Variants in PDGFRA observed in about 807,000 individuals in gnomAD.
PDGFRA encodes the protein platelet-derived growth factor receptor alpha.
Under a neutral mutation model 121.5 loss-of-function variants are expected in PDGFRA, and 25 were observed. The observed-to-expected ratio is 0.21, with a 90% CI of 0.15 to 0.29. The LOEUF (loss-of-function observed/expected upper bound fraction) is 0.29, where lower values mean the gene tolerates loss of function less well. Ranked by LOEUF, PDGFRA falls within the 10% of genes least tolerant of loss-of-function variation. The pLI, the probability that PDGFRA is intolerant of heterozygous loss-of-function variation, is 1.00. For missense variants in PDGFRA, 1,008 were observed against 1,345.1 expected, an observed-to-expected ratio of 0.75 and a Z score of 3.92; for synonymous variants, 463 against 494.8, an observed-to-expected ratio of 0.94 and a Z score of 0.85.
chr4:54,284,684 T>C (rs1724229221), intron 16 of PDGFRA, among the ~76,000 whole-genome samples: 1 of 151,638 alleles, frequency 6.6e-6, no homozygotes, highest in Admixed American at 6.6e-5. Context: ...GCTAAACCAT[T>C]TGTGAGAAAT....
rs1724819394 is a variant in PDGFRA at position 54,295,173 on chromosome 4, C to T, written c.3171C>T (p.Ser1057=). 1.2e-6 allele frequency: 2 copies of T among 1,614,044 alleles called. No homozygotes were observed. The highest frequency in any genetic ancestry group is 4.5e-5 in the East Asian group (2 of 44,862). ...CCATTGAGACGGGTTCCAGCAGTTC[C>T]ACCTTCATCAAGAGAGAGGACGAGA... The part of the protein sequence containing the change: ...ESAIETGSSS[S]TFIKREDETI... The change falls in exon 23 of 23, where the codon TCC becomes TCT. Residue 1057 remains serine (S), a synonymous_variant. Transcript: ENST00000257290.
chr4:54,281,831 TACAA>T, intron 16 of PDGFRA: 3 of 1,237,180 alleles, frequency 2.4e-6, no homozygotes, highest in East Asian at 7.6e-5. Flanking sequence ...GTGGACAAGT[TACAA>T]ACAAAGAAAC....
intron 22 of PDGFRA, among the ~76,000 whole-genome samples, chr4:54,293,758 G>T (rs1724742794): frequency 6.6e-6 from 1 of 152,136 alleles, no homozygotes; most frequent in African/African-American, 2.4e-5. Context: ...CACCAAGGTG[G>T]AGCTAATGCC....
chr4:54,290,945 C>T (rs888145878), intron 22 of PDGFRA, among the ~76,000 whole-genome samples: 7 of 152,210 alleles, frequency 4.6e-5, no homozygotes, highest in East Asian at 3.9e-4. Flanking sequence ...GGTCCTTTGA[C>T]GCTATACCCT....
rs1724938672 is a variant in PDGFRA at position 54,297,628 on chromosome 4, C to A, written c.*2356C>A. ...CAGTTTCCAGTCCTAACAAATGCTCCCACCTGAATTTGTATATGACTGCAT... is the reference window on the plus strand; with the variant it reads ...CAGTTTCCAGTCCTAACAAATGCTCACACCTGAATTTGTATATGACTGCAT... On this transcript the variant is annotated 3_prime_UTR_variant, in exon 23 of 23. Coordinates refer to ENST00000257290, the MANE Select transcript of PDGFRA (RefSeq NM_006206.6). 4.3e-6 allele frequency: 1 copy of A among 233,518 alleles called. No individual in the cohort carries two copies. The highest frequency in any genetic ancestry group is 8.5e-6 in the Non-Finnish European group (1 of 118,066). The allele number at this position is 233,518 out of a possible 1,614,324, so 14.5% of individuals were successfully genotyped here.
Position 54,278,281 on chromosome 4 carries a change from G to A in PDGFRA, c.2003-81G>A, listed in dbSNP as rs568277056. ...TTTTTGGTATCTTATTTTTTTCTGT[G>A]CCATATGGTCTGCAGGACAATTCAT... is the stretch of plus-strand genomic sequence containing the variant. On this transcript the variant is annotated intron_variant, in intron 14 of 22. Transcript: ENST00000257290. The A allele has an allele frequency of 5.0e-5, 53 of 1,051,978 alleles. No homozygotes were observed. In the East Asian group the frequency reaches 9.3e-4, roughly 18 times the overall value. The allele number at this position is 1,051,978 out of a possible 1,614,324, so 65.2% of individuals were successfully genotyped here.
At chr4:54,277,283 G>A (rs948044090) in intron 12 of PDGFRA, 105 bp from the exon 13 acceptor site, 2 of 808,636 alleles carry the variant, frequency 2.5e-6, no homozygotes, top group African/African-American at 1.7e-5. Flanking sequence ...CTCCAAACAG[G>A]AAAGACACTC....
At chr4:54,265,183 A>G (rs1722967464) in intron 5 of PDGFRA, 134 bp downstream of exon 5, 2 of 812,198 alleles carry the variant, frequency 2.5e-6, no homozygotes, top group East Asian at 2.6e-5. Context: ...CTCTGGGATG[A>G]ACACATTTGA....
chr4:54,271,969 CCCCCTCCCCT>C (rs1723411166), intron 8 of PDGFRA, among the ~76,000 whole-genome samples: 1 of 1,790 alleles, frequency 5.6e-4, no homozygotes, highest in Non-Finnish European at 1.2e-3. Flanking sequence ...CCCTCCCCTC[CCCCCTCCCCT>C]CCCCCTCCCC....
chr4:54,231,883 C>T (rs1019784253), intron 1 of PDGFRA, among the ~76,000 whole-genome samples: 4 of 152,254 alleles, frequency 2.6e-5, no homozygotes, highest in East Asian at 3.9e-4. Context: ...AGTTTCCTCT[C>T]GGGACGCGGA....
intron 1 of PDGFRA, among the ~76,000 whole-genome samples, chr4:54,255,699 G>C (rs1722326711): frequency 6.6e-6 from 1 of 151,832 alleles, no homozygotes; most frequent in African/African-American, 2.4e-5. Flanking sequence ...TAGAGACAGG[G>C]TTTCACCGTG....
At chr4:54,257,021 C>T (rs1203398513) in intron 1 of PDGFRA, among the ~76,000 whole-genome samples, 1 of 151,910 alleles carries the variant, frequency 6.6e-6, no homozygotes, top group Non-Finnish European at 1.5e-5. Flanking sequence ...AGTGCAAGAC[C>T]CTGTTTCATA....
chr4:54,232,590 T>TTGTG (rs939358100), intron 1 of PDGFRA, among the ~76,000 whole-genome samples: 1 of 151,830 alleles, frequency 6.6e-6, no homozygotes, highest in Admixed American at 6.6e-5. Flanking sequence ...GAAGGCACTT[T>TTGTG]TGTGTGTGTG....
chr4:54,288,666 A>T, intron 19 of PDGFRA, 133 bp from the exon 20 acceptor site: 1 of 727,306 alleles, frequency 1.4e-6, no homozygotes, highest in Non-Finnish European at 2.6e-6. Flanking sequence ...GATGACACTG[A>T]ATTTTCTTGA....
intron 4 of PDGFRA, chr4:54,264,537 G>A (rs928242847): frequency 3.5e-6 from 1 of 286,098 alleles, no homozygotes; most frequent in African/African-American, 2.3e-5. Context: ...AAGAAGAGAA[G>A]AAACAATTGG....
chr4:54,240,120 T>G, intron 1 of PDGFRA: 1 of 394,502 alleles, frequency 2.5e-6, no homozygotes, highest in Non-Finnish European at 5.2e-6. Context: ...CCCAAGGTAC[T>G]GGGATTATAG....
chr4:54,272,884 G>A (rs1723481324), intron 9 of PDGFRA, among the ~76,000 whole-genome samples: 1 of 152,172 alleles, frequency 6.6e-6, no homozygotes, highest in East Asian at 1.9e-4. Context: ...GGGTTAATTC[G>A]CCATTCCCTC....
chr4:54,253,367 C>T (rs2110221371), intron 1 of PDGFRA, among the ~76,000 whole-genome samples: 1 of 152,300 alleles, frequency 6.6e-6, no homozygotes, highest in South Asian at 2.1e-4. Context: ...GACTGAGGTT[C>T]AGAGATTTGG....
At chr4:54,244,094 C>T (rs1721476884) in intron 1 of PDGFRA, among the ~76,000 whole-genome samples, 1 of 152,206 alleles carries the variant, frequency 6.6e-6, no homozygotes, top group African/African-American at 2.4e-5. Flanking sequence ...CACCACAGCT[C>T]AAGGAGGCCT....
Sources: allele counts gnomAD v4.1 joint callset (sites outside exome capture counted in the v4.1 genomes callset), GRCh38; gene constraint gnomAD v4.1.1; transcripts MANE v1.5; gene names NCBI Gene and HGNC (gene_info 2026-07-23, HGNC 2026-07-21).